PLCXD1: variants seen among roughly 807,000 people sequenced by gnomAD.
The protein encoded by PLCXD1 is PI-PLC X domain-containing protein 1.
In PLCXD1, 45 loss-of-function variants were observed where a neutral mutation model predicts 37.8. The ratio of observed to expected loss-of-function variants is 1.19; its 90% CI spans 0.94 to 1.53. The LOEUF is 1.53. PLCXD1 is among the 40% of genes most tolerant of loss of function. The probability of loss-of-function intolerance (pLI) is 0.00; values close to 1 mark genes in which losing one functional copy is unlikely to be tolerated. For synonymous variants in PLCXD1, 246 were observed against 206.9 expected (o/e 1.19, Z -1.62); for missense variants, 539 against 454.7 (o/e 1.19, Z -1.69).
chrX:293,000 T>A (rs2069684156), intron 5 of PLCXD1, 35 bp from the exon 6 acceptor site: 1 of 1,513,626 alleles, frequency 6.6e-7, no homozygotes, highest in Non-Finnish European at 9.0e-7. Context: ...GGCTCTCCTC[T>A]CTCCCCTGCA....
chrX:294,264 T>C (rs375232954), intron 6 of PLCXD1, among the ~76,000 whole-genome samples: 1,831 of 151,992 alleles, frequency 0.012, 40 homozygotes, highest in African/African-American at 0.038. Context: ...GGGCGGATCA[T>C]GAGGTCAGGA....
chrX:300,555 CATGT>C lies in PLCXD1; in HGVS notation c.*1223_*1226del, dbSNP rs1569339867. The C allele has an allele frequency of 2.1e-5, 3 of 145,124 alleles. No homozygotes were observed. Among genetic ancestry groups the C allele is most frequent in the African/African-American group, 5.6e-5 (2 of 35,558 alleles). 9.0% of individuals were successfully genotyped at this position (145,124 alleles called of 1,614,324 possible). On this transcript the variant is annotated 3_prime_UTR_variant, in exon 7 of 7. Transcript: ENST00000381657. ...GTATGCATACATGTATATGTGTATG[CATGT>C]ATATGTGTATGTGTACATGTATATG...
At chrX:286,495 G>C (rs1199319884) in intron 2 of PLCXD1, among the ~76,000 whole-genome samples, 2 of 152,116 alleles carry the variant, frequency 1.3e-5, no homozygotes, top group Non-Finnish European at 2.9e-5. Flanking sequence ...AGAAAGAAGA[G>C]GTTTCTTTGG....
intron 6 of PLCXD1, among the ~76,000 whole-genome samples, chrX:294,437 A>C (rs753872180): frequency 5.1e-4 from 76 of 149,540 alleles, no homozygotes; most frequent in Middle Eastern, 3.5e-3. Flanking sequence ...AGCCGAGATC[A>C]CGCCACTGAA....
At chrX:283,943 G>A (rs1320148003) in intron 1 of PLCXD1, 3 of 458,504 alleles carry the variant, frequency 6.5e-6, no homozygotes, top group African/African-American at 4.0e-5. Flanking sequence ...GTGCAGTGGC[G>A]GGATCTCCGC....
intron 2 of PLCXD1, 35 bp downstream of exon 2, chrX:284,349 A>C: frequency 1.2e-6 from 2 of 1,610,242 alleles, no homozygotes; most frequent in Non-Finnish European, 1.7e-6. Context: ...CGTTGCCTCT[A>C]TCCCAGGTGA....
chrX:295,975 G>A (rs28576689), intron 6 of PLCXD1, among the ~76,000 whole-genome samples: 79,814 of 149,400 alleles, frequency 0.53, 21,577 homozygotes, highest in East Asian at 0.63. Context: ...CACCACGCCC[G>A]GCTAATTTTT....
chrX:288,753 T>C lies in PLCXD1; in HGVS notation c.148T>C (p.Tyr50His), dbSNP rs748526773. The C allele has an allele frequency of 1.3e-5, 21 of 1,613,784 alleles. No homozygotes were observed. In the African/African-American group the frequency reaches 2.7e-4, roughly 21 times the overall value. The change falls in exon 3 of 7, where the codon TAC becomes CAC. Residue 50 changes from tyrosine (Y) to histidine (H), a missense_variant. Transcript: ENST00000381657. ...SIPGSHDTMT[Y>H]CLNKKSPISH... ...CTCAGGGAGCCACGACACGATGACG[T>C]ACTGCCTGAACAAGAAGTCCCCCAT... is the stretch of plus-strand genomic sequence containing the variant.
At chrX:283,642 GCGGC>G (rs2069350700) in intron 1 of PLCXD1, 1 of 137,422 alleles carries the variant, frequency 7.3e-6, no homozygotes, top group Non-Finnish European at 1.6e-5. Context: ...CCGGGTGGGG[GCGGC>G]CTTGGTGTCA....
chrX:281,250 G>A (rs1179422294), upstream of PLCXD1: 1 of 211,682 alleles, frequency 4.7e-6, no homozygotes, highest in Non-Finnish European at 9.6e-6. Flanking sequence ...CCGGAGCCGC[G>A]GTACAGGTGT....
At position 291,657 on chromosome X, in the gene PLCXD1, G is replaced by T; in HGVS notation, c.549+3G>T. ...GGGACATGCTGTGTCCTCGTGGGGT[G>T]AGGAGGGGAAGGATATCCGCACGTC... On this transcript the variant is annotated splice_donor_region_variant and intron_variant, in intron 5 of 6. Coordinates refer to ENST00000381657, the MANE Select transcript of PLCXD1 (RefSeq NM_018390.4). The T allele has an allele frequency of 6.2e-7, 1 of 1,612,340 alleles. No homozygotes were observed. The highest frequency in any genetic ancestry group is 8.5e-7 in the Non-Finnish European group (1 of 1,179,744).
intron 1 of PLCXD1, among the ~76,000 whole-genome samples, chrX:282,870 T>A (rs1480934406): frequency 1.4e-5 from 2 of 139,536 alleles, no homozygotes; most frequent in Non-Finnish European, 3.1e-5. Context: ...TGTATATATG[T>A]ATATATGTTA....
chrX:299,390 C>A lies in PLCXD1; in HGVS notation c.*55C>A. ...GGCTGCAGTTTCACCCCCGAATTTC[C>A]AAGTATTGTGACTTTGTTTGGGCCA... On this transcript the variant is annotated 3_prime_UTR_variant, in exon 7 of 7. Coordinates refer to ENST00000381657, the MANE Select transcript of PLCXD1 (RefSeq NM_018390.4). 2 of 1,257,408 alleles carry A rather than the reference C, an allele frequency of 1.6e-6. No individual in the cohort carries two copies. Among genetic ancestry groups the A allele is most frequent in the Non-Finnish European group, 2.3e-6 (2 of 855,254 alleles). 77.9% of individuals were successfully genotyped at this position (1,257,408 alleles called of 1,614,324 possible).
upstream of PLCXD1, among the ~76,000 whole-genome samples, chrX:277,341 G>GA (rs2069177919): frequency 7.7e-6 from 1 of 129,612 alleles, no homozygotes. Flanking sequence ...GGAGGGGTTG[G>GA]GGAACGTGGG....
intron 6 of PLCXD1, among the ~76,000 whole-genome samples, chrX:295,029 G>A (rs905762237): frequency 1.3e-5 from 2 of 151,658 alleles, no homozygotes; most frequent in East Asian, 2.0e-4. Flanking sequence ...ATTTAGCTGG[G>A]CGTGGTTGTG....
chrX:290,538 C>T (rs111673330), intron 3 of PLCXD1, 110 bp from the exon 4 acceptor site: 33,120 of 1,164,264 alleles, frequency 0.028, 673 homozygotes, highest in South Asian at 0.052. Flanking sequence ...ACGACATCCA[C>T]GTCCCAGTGG....
At chrX:276,765 C>T (rs1478803693), upstream of PLCXD1, among the ~76,000 whole-genome samples, 2 of 152,230 alleles carry the variant, frequency 1.3e-5, no homozygotes, top group African/African-American at 4.8e-5. Flanking sequence ...TGCGTGGGGA[C>T]GGGTCGGGAC....
chrX:288,791 G>A lies in PLCXD1; in HGVS notation c.186G>A (p.Glu62=). 6.2e-7 allele frequency: 1 copy of A among 1,613,852 alleles called. No individual in the cohort carries two copies. The highest frequency in any genetic ancestry group is 8.5e-7 in the Non-Finnish European group (1 of 1,179,748). Residue 62 remains glutamate (E), a synonymous_variant, in exon 3 of 7, where the codon GAG becomes GAA. Transcript: ENST00000381657. ...LNKKSPISHE[E]SRLLQLLNKA... ...AGAAGTCCCCCATTTCGCACGAGGA[G>A]TCCCGGCTGCTGCAGCTGCTGAACA...
At chrX:290,210 G>A (rs28635765) in intron 3 of PLCXD1, among the ~76,000 whole-genome samples, 32,809 of 151,888 alleles carry the variant, frequency 0.22, 8,166 homozygotes, top group African/African-American at 0.62. Flanking sequence ...GGTGGATCAC[G>A]AGGTCAGGAG....
Sources: gnomAD v4.1 joint callset for allele counts (sites outside exome capture counted in the v4.1 genomes callset) on GRCh38, gnomAD v4.1.1 for gene constraint, MANE v1.5 for transcripts, NCBI Gene and HGNC (gene_info 2026-07-23, HGNC 2026-07-21) for gene names.